CDH10: variants seen among roughly 807,000 people sequenced by gnomAD.
CDH10 encodes cadherin 10.
In CDH10, 30 loss-of-function variants were observed where a neutral mutation model predicts 73.1. The observed-to-expected ratio is 0.41, with a 90% CI of 0.31 to 0.56. The LOEUF (loss-of-function observed/expected upper bound fraction) is 0.56, where lower values mean the gene tolerates loss of function less well. Among genes scored for constraint, CDH10 ranks in the 20% least tolerant of loss-of-function variants. The probability of loss-of-function intolerance (pLI) is 0.27; values close to 1 mark genes in which losing one functional copy is unlikely to be tolerated. For synonymous variants in CDH10, 345 were observed against 348.2 expected, an observed-to-expected ratio of 0.99 and a Z score of 0.10; for missense variants, 815 against 973.7, an observed-to-expected ratio of 0.84 and a Z score of 2.17.
intron 9 of CDH10, among the ~76,000 whole-genome samples, chr5:24,496,675 T>C (rs1440192466): frequency 6.6e-6 from 1 of 152,148 alleles, no homozygotes; most frequent in East Asian, 1.9e-4. Flanking sequence ...TGGACTGAGA[T>C]ATACCTTAAG....
chr5:24,599,844 T>G (rs1746501419), intron 1 of CDH10, among the ~76,000 whole-genome samples: 1 of 152,128 alleles, frequency 6.6e-6, no homozygotes, highest in Non-Finnish European at 1.5e-5. Flanking sequence ...AGCACTAATT[T>G]TTGACTCTAA....
chr5:24,626,669 G>C (rs931500718), intron 1 of CDH10, among the ~76,000 whole-genome samples: 1 of 151,584 alleles, frequency 6.6e-6, no homozygotes. Context: ...CCAGCTACTC[G>C]GGAGACTGAG....
chr5:24,495,884 G>GA (rs141654904), intron 9 of CDH10, among the ~76,000 whole-genome samples: 31,751 of 148,352 alleles, frequency 0.21, 4,303 homozygotes, highest in East Asian at 0.39. Flanking sequence ...GAAAGAAAAA[G>GA]AAAAAAAAAG....
chr5:24,556,556 A>G (rs769519567), intron 2 of CDH10, among the ~76,000 whole-genome samples: 20 of 151,714 alleles, frequency 1.3e-4, no homozygotes, highest in Non-Finnish European at 2.5e-4. Flanking sequence ...GCCTCCTTTA[A>G]TAATATTTAA....
intron 2 of CDH10, among the ~76,000 whole-genome samples, chr5:24,557,096 T>C (rs1744794381): frequency 6.6e-6 from 1 of 151,788 alleles, no homozygotes; most frequent in Non-Finnish European, 1.5e-5. Context: ...GTAGTGGTCA[T>C]GTGGGAGGGG....
intron 1 of CDH10, among the ~76,000 whole-genome samples, chr5:24,637,291 C>A (rs987301432): frequency 5.9e-5 from 9 of 151,744 alleles, no homozygotes; most frequent in Non-Finnish European, 1.3e-4. Context: ...AATGAAAGAA[C>A]GGATGAATAA....
chr5:24,618,654 C>T (rs1027379522), intron 1 of CDH10, among the ~76,000 whole-genome samples: 1 of 152,150 alleles, frequency 6.6e-6, no homozygotes. Flanking sequence ...TGGCGCTGGT[C>T]ACTTTAAAGA....
chr5:24,590,882 G>A (rs1420786647), intron 2 of CDH10, among the ~76,000 whole-genome samples: 1 of 151,816 alleles, frequency 6.6e-6, no homozygotes, highest in African/African-American at 2.4e-5. Context: ...ATATTACTCC[G>A]ACATCTAAAC....
intron 1 of CDH10, among the ~76,000 whole-genome samples, chr5:24,623,322 T>G (rs1747379535): frequency 6.6e-6 from 1 of 152,178 alleles, no homozygotes; most frequent in Non-Finnish European, 1.5e-5. Context: ...GTCTGATGAT[T>G]GCATATAAAA....
intron 1 of CDH10, among the ~76,000 whole-genome samples, chr5:24,601,052 A>G (rs981593838): frequency 1.1e-4 from 17 of 152,138 alleles, no homozygotes; most frequent in Admixed American, 3.3e-4. Flanking sequence ...AAAGAGCCAT[A>G]TATTAATATT....
intron 1 of CDH10, among the ~76,000 whole-genome samples, chr5:24,636,091 C>T (rs982405593): frequency 6.6e-6 from 1 of 151,884 alleles, no homozygotes; most frequent in Admixed American, 6.6e-5. Flanking sequence ...GAATTAACAT[C>T]TAATAATAAT....
chr5:24,620,079 T>A (rs1747259965), intron 1 of CDH10, among the ~76,000 whole-genome samples: 1 of 152,166 alleles, frequency 6.6e-6, no homozygotes, highest in Non-Finnish European at 1.5e-5. Flanking sequence ...TCAGAATAAA[T>A]ACTTCTGCAA....
At chr5:24,507,190 T>C (rs1180141611) in intron 7 of CDH10, among the ~76,000 whole-genome samples, 2 of 151,990 alleles carry the variant, frequency 1.3e-5, no homozygotes, top group South Asian at 2.1e-4. Context: ...AGTAAGGCTA[T>C]TATATTTTTT....
intron 2 of CDH10, among the ~76,000 whole-genome samples, chr5:24,580,387 A>G (rs74490821): frequency 0.037 from 5,618 of 152,256 alleles, 248 homozygotes; most frequent in African/African-American, 0.095. Context: ...CAGTATCAAC[A>G]TGTTTTCCAT....
At chr5:24,608,493 A>T (rs1021316677) in intron 1 of CDH10, among the ~76,000 whole-genome samples, 1 of 151,988 alleles carries the variant, frequency 6.6e-6, no homozygotes, top group Non-Finnish European at 1.5e-5. Flanking sequence ...GGGTTTCACC[A>T]TGTTGGCCAG....
intron 6 of CDH10, among the ~76,000 whole-genome samples, 171 bp from the exon 7 acceptor site, chr5:24,509,990 C>T (rs1194181812): frequency 6.6e-6 from 1 of 152,118 alleles, no homozygotes; most frequent in Non-Finnish European, 1.5e-5. Flanking sequence ...ATTTAGGATT[C>T]AACTTCTACT....
At chr5:24,549,853 G>A (rs959001542) in intron 2 of CDH10, among the ~76,000 whole-genome samples, 4 of 151,716 alleles carry the variant, frequency 2.6e-5, no homozygotes, top group Non-Finnish European at 5.9e-5. Context: ...CACCCAACCT[G>A]GAATGACATC....
intron 5 of CDH10, among the ~76,000 whole-genome samples, chr5:24,534,414 G>A (rs563538270): frequency 3.3e-5 from 5 of 151,974 alleles, no homozygotes; most frequent in Non-Finnish European, 7.4e-5. Flanking sequence ...ATCCTCTTTA[G>A]TATGCGAGCA....
At chr5:24,547,010 A>G (rs1744368355) in intron 2 of CDH10, among the ~76,000 whole-genome samples, 1 of 152,234 alleles carries the variant, frequency 6.6e-6, no homozygotes, top group South Asian at 2.1e-4. Context: ...AAATCTGCAC[A>G]AAGAAAATTT....
Sources: allele counts gnomAD v4.1 joint callset (sites outside exome capture counted in the v4.1 genomes callset), GRCh38; gene constraint gnomAD v4.1.1; transcripts MANE v1.5; gene names NCBI Gene and HGNC (gene_info 2026-07-23, HGNC 2026-07-21).